Variants in ADAMTS12 observed in about 807,000 individuals in gnomAD.
The protein encoded by ADAMTS12 is A disintegrin and metalloproteinase with thrombospondin motifs 12.
Under a neutral mutation model 167.8 loss-of-function variants are expected in ADAMTS12, and 118 were observed. That is an observed-to-expected ratio of 0.70 (90% CI 0.61 to 0.82). The LOEUF is 0.82. Among genes scored for constraint, ADAMTS12 ranks in the 40% least tolerant of loss-of-function variants. ADAMTS12 has a pLI of 0.00. For synonymous variants in ADAMTS12, 704 were observed against 716.9 expected, an observed-to-expected ratio of 0.98 and a Z score of 0.29; for missense variants, 1,916 against 1,998.8, an observed-to-expected ratio of 0.96 and a Z score of 0.79.
intron 2 of ADAMTS12, among the ~76,000 whole-genome samples, chr5:33,797,637 G>C (rs576001042): frequency 8.6e-4 from 131 of 152,010 alleles, no homozygotes; most frequent in Admixed American, 3.4e-3. Flanking sequence ...GACTATGTTC[G>C]CATTCCTTAT....
chr5:33,736,664 G>A (rs941450239), intron 3 of ADAMTS12, among the ~76,000 whole-genome samples: 2 of 152,136 alleles, frequency 1.3e-5, no homozygotes, highest in African/African-American at 4.8e-5. Context: ...GACCACTGTC[G>A]GGTTTTTCAA....
intron 3 of ADAMTS12, among the ~76,000 whole-genome samples, chr5:33,742,410 G>C (rs1045151681): frequency 3.3e-5 from 5 of 151,684 alleles, no homozygotes; most frequent in Non-Finnish European, 7.4e-5. Context: ...GGGGGTGGGA[G>C]TGTTTGTCTT....
At chr5:33,799,567 G>T (rs1235533809) in intron 2 of ADAMTS12, among the ~76,000 whole-genome samples, 5 of 152,168 alleles carry the variant, frequency 3.3e-5, no homozygotes, top group Admixed American at 6.5e-5. Context: ...ATTTGGCTTT[G>T]AATCTCATCA....
At chr5:33,773,232 T>C (rs1745808391) in intron 2 of ADAMTS12, among the ~76,000 whole-genome samples, 2 of 152,186 alleles carry the variant, frequency 1.3e-5, no homozygotes, top group Admixed American at 1.3e-4. Context: ...CTTTGGACAC[T>C]CCTCAATATC....
chr5:33,790,124 C>T (rs915024862), intron 2 of ADAMTS12, among the ~76,000 whole-genome samples: 10 of 152,118 alleles, frequency 6.6e-5, no homozygotes, highest in African/African-American at 2.2e-4. Flanking sequence ...TTCATCCATT[C>T]GAATCAGGTG....
intron 16 of ADAMTS12, among the ~76,000 whole-genome samples, chr5:33,601,347 G>A (rs943341004): frequency 2.0e-5 from 3 of 152,078 alleles, no homozygotes; most frequent in East Asian, 1.9e-4. Flanking sequence ...ATATGCCCAC[G>A]ATGTACCCTA....
chr5:33,861,422 A>G (rs1749612579), intron 2 of ADAMTS12, among the ~76,000 whole-genome samples: 1 of 152,240 alleles, frequency 6.6e-6, no homozygotes, highest in African/African-American at 2.4e-5. Flanking sequence ...AGATCAAAAA[A>G]GACAAAGAAG....
chr5:33,829,224 C>A (rs537236071), intron 2 of ADAMTS12, among the ~76,000 whole-genome samples: 2 of 152,238 alleles, frequency 1.3e-5, no homozygotes, highest in South Asian at 4.2e-4. Context: ...CCCAAGCTGG[C>A]GTTCCTGAAT....
At chr5:33,610,870 C>A (rs1187200121) in intron 16 of ADAMTS12, among the ~76,000 whole-genome samples, 1 of 152,056 alleles carries the variant, frequency 6.6e-6, no homozygotes, top group Non-Finnish European at 1.5e-5. Context: ...AGTTTGAGAC[C>A]AGCCTGGCCA....
chr5:33,771,066 T>A (rs559364357), intron 2 of ADAMTS12, among the ~76,000 whole-genome samples: 2 of 152,164 alleles, frequency 1.3e-5, no homozygotes, highest in African/African-American at 4.8e-5. Context: ...GGTTAGTAAA[T>A]GTCACTAATA....
intron 2 of ADAMTS12, among the ~76,000 whole-genome samples, chr5:33,752,706 A>C (rs1288501189): frequency 6.6e-6 from 1 of 152,204 alleles, no homozygotes; most frequent in Non-Finnish European, 1.5e-5. Context: ...ACTTGGAAAC[A>C]TGGGGGGCTT....
chr5:33,663,010 T>C (rs1741314789), intron 5 of ADAMTS12, among the ~76,000 whole-genome samples: 1 of 152,172 alleles, frequency 6.6e-6, no homozygotes, highest in African/African-American at 2.4e-5. Flanking sequence ...CATTCTGTAT[T>C]TTGCTGAGGC....
chr5:33,594,051 T>G (rs1462277733), intron 17 of ADAMTS12, among the ~76,000 whole-genome samples: 1 of 152,232 alleles, frequency 6.6e-6, no homozygotes, highest in Non-Finnish European at 1.5e-5. Context: ...ATGGCTTGGC[T>G]GTGTCCCCAC....
intron 20 of ADAMTS12, among the ~76,000 whole-genome samples, chr5:33,559,697 A>G (rs1404548522): frequency 1.3e-5 from 2 of 152,174 alleles, no homozygotes; most frequent in African/African-American, 4.8e-5. Context: ...CCTGGCCAAC[A>G]TGGTGAAACC....
intron 3 of ADAMTS12, among the ~76,000 whole-genome samples, chr5:33,690,796 G>A (rs1028877663): frequency 1.1e-4 from 17 of 151,936 alleles, no homozygotes; most frequent in African/African-American, 3.6e-4. Flanking sequence ...CACTTGGAAC[G>A]CAAAGTAATT....
At chr5:33,879,096 T>C (rs1750332729) in intron 2 of ADAMTS12, among the ~76,000 whole-genome samples, 1 of 152,172 alleles carries the variant, frequency 6.6e-6, no homozygotes, top group Non-Finnish European at 1.5e-5. Context: ...AAATTCATGG[T>C]GATGGCTGCA....
intron 16 of ADAMTS12, among the ~76,000 whole-genome samples, chr5:33,599,525 C>CTTGG (rs146206778): frequency 6.6e-6 from 1 of 151,698 alleles, no homozygotes; most frequent in African/African-American, 2.4e-5. Context: ...GGCACTATCT[C>CTTGG]TTTAACTGCT....
At chr5:33,594,726 C>G (rs1280966206) in intron 17 of ADAMTS12, among the ~76,000 whole-genome samples, 1 of 152,174 alleles carries the variant, frequency 6.6e-6, no homozygotes, top group Non-Finnish European at 1.5e-5. Context: ...GGGTCCAGCT[C>G]CTACCTAGAA....
chr5:33,708,625 G>A (rs1043267368), intron 3 of ADAMTS12, among the ~76,000 whole-genome samples: 19 of 152,106 alleles, frequency 1.2e-4, no homozygotes, highest in Non-Finnish European at 1.2e-4. Context: ...CATAAAAAAG[G>A]ATGAGTTCAT....
Sources: allele counts gnomAD v4.1 joint callset (sites outside exome capture counted in the v4.1 genomes callset), GRCh38; gene constraint gnomAD v4.1.1; transcripts MANE v1.5; gene names NCBI Gene and HGNC (gene_info 2026-07-23, HGNC 2026-07-21).